The following MAML3 variants were observed in gnomAD, a reference collection of about 807,000 sequenced individuals.
MAML3 encodes the protein mastermind-like protein 3.
Under a neutral mutation model 101.9 loss-of-function variants are expected in MAML3, and 27 were observed. The observed-to-expected ratio is 0.27, with a 90% confidence interval of 0.20 to 0.37. MAML3 has a LOEUF of 0.37. Among genes scored for constraint, MAML3 ranks in the 10% least tolerant of loss-of-function variants. The probability of loss-of-function intolerance (pLI) is 1.00; values close to 1 mark genes in which losing one functional copy is unlikely to be tolerated. For synonymous variants in MAML3, 501 were observed against 555.9 expected, an observed-to-expected ratio of 0.90 and a Z score of 1.39; for missense variants, 1,316 against 1,444.9, an observed-to-expected ratio of 0.91 and a Z score of 1.45.
intron 1 of MAML3, among the ~76,000 whole-genome samples, chr4:139,967,511 C>T (rs1734158217): frequency 6.7e-6 from 1 of 148,508 alleles, no homozygotes; most frequent in Admixed American, 6.6e-5. Context: ...CACACACACA[C>T]ACACTCTATT....
At chr4:139,764,490 A>T (rs546975371) in intron 2 of MAML3, among the ~76,000 whole-genome samples, 11 of 152,316 alleles carry the variant, frequency 7.2e-5, no homozygotes, top group African/African-American at 2.6e-4. Flanking sequence ...TCTGTGACCG[A>T]GGACATTGTC....
At chr4:140,136,724 G>A (rs1221096359) in intron 1 of MAML3, among the ~76,000 whole-genome samples, 2 of 152,282 alleles carry the variant, frequency 1.3e-5, no homozygotes, top group South Asian at 2.1e-4. Context: ...AATGAGTCAC[G>A]TTTCTTGAAG....
intron 1 of MAML3, among the ~76,000 whole-genome samples, chr4:140,092,117 T>TATATATATATAC (rs1728069794): frequency 1.5e-5 from 2 of 133,122 alleles, no homozygotes; most frequent in African/African-American, 5.6e-5. Context: ...TATATATATA[T>TATATATATATAC]ACGTATATAT....
At chr4:139,979,408 G>T (rs533808315) in intron 1 of MAML3, among the ~76,000 whole-genome samples, 1 of 152,254 alleles carries the variant, frequency 6.6e-6, no homozygotes, top group Admixed American at 6.5e-5. Context: ...CTGCCTCCCA[G>T]CTCCATTTGC....
At position 139,859,676 on chromosome 4, in the gene MAML3, T is replaced by C. The variant is rs895748073; in HGVS notation, c.2079+29681A>G. ...GATTTATAGGCATTCTCTTATTTAATAGGCACAACAATTTTATGAGAAATA... is the reference window on the plus strand; with the variant it reads ...GATTTATAGGCATTCTCTTATTTAACAGGCACAACAATTTTATGAGAAATA... On this transcript the variant is annotated intron_variant, in intron 2 of 4. Transcript: ENST00000509479. 1.2e-4 allele frequency among the ~76,000 whole-genome samples: 19 copies of C among 152,328 alleles called. No individual in the cohort carries two copies. The East Asian group carries it at 1.7e-3, about 14-fold the overall frequency.
At chr4:139,788,446 C>T (rs1730345112) in intron 2 of MAML3, among the ~76,000 whole-genome samples, 1 of 152,146 alleles carries the variant, frequency 6.6e-6, no homozygotes, top group Non-Finnish European at 1.5e-5. Flanking sequence ...ATCCTGTCTC[C>T]AGTTCTTTTC....
Position 139,991,673 on chromosome 4 carries a change from G to A in MAML3, c.469-100706C>T, listed in dbSNP as rs145089094. Among the ~76,000 whole-genome samples, 220 of 152,042 alleles carry A rather than the reference G, an allele frequency of 1.4e-3. 1 individual carries two copies. Among genetic ancestry groups the A allele is most frequent in the African/African-American group, 5.1e-3 (210 of 41,470 alleles). On this transcript the variant is annotated intron_variant, in intron 1 of 4. Coordinates refer to ENST00000509479, the MANE Select transcript of MAML3 (RefSeq NM_018717.5). Reference sequence around the variant, plus strand: ...CTTTTGAAAAAAATTGTTTTACTGAGGTAAAATTTACATATAAAGTCCACC... The same window carrying A: ...CTTTTGAAAAAAATTGTTTTACTGAAGTAAAATTTACATATAAAGTCCACC...
chr4:140,030,252 T>C (rs1553969819), intron 1 of MAML3, among the ~76,000 whole-genome samples: 1 of 152,208 alleles, frequency 6.6e-6, no homozygotes, highest in Non-Finnish European at 1.5e-5. Flanking sequence ...AGTGACTTCA[T>C]GGCAGCTTCC....
chr4:139,920,652 AG>A (rs1277257151), intron 1 of MAML3, among the ~76,000 whole-genome samples: 1 of 152,204 alleles, frequency 6.6e-6, no homozygotes, highest in African/African-American at 2.4e-5. Flanking sequence ...TCATTAATGG[AG>A]GGCACACAGT....
intron 1 of MAML3, among the ~76,000 whole-genome samples, chr4:139,965,975 G>A (rs1734122977): frequency 6.6e-6 from 1 of 152,178 alleles, no homozygotes; most frequent in Non-Finnish European, 1.5e-5. Flanking sequence ...ATCTGGCCAA[G>A]TAATATAATT....
Position 139,719,350 on chromosome 4 carries a change from C to A in MAML3, c.3390G>T (p.Glu1130Asp), listed in dbSNP as rs1478231277. The change falls in exon 5 of 5, where the codon GAG (glutamate) becomes GAT (aspartate). Residue 1130 changes from glutamate to aspartate, a missense_variant. Coordinates refer to ENST00000509479, the MANE Select transcript of MAML3 (RefSeq NM_018717.5). ...KGGPGDEWMQ[E>D]LDELFGNP ...AGGGGTTACCAAACAATTCATCAAG[C>A]TCCTGCATCCACTCGTCCCCTGGCC... 6.2e-7 allele frequency: 1 copy of A among 1,601,556 alleles called. No homozygotes were observed. The highest frequency in any genetic ancestry group is 1.1e-5 in the South Asian group (1 of 89,666).
chr4:139,791,391 CG>C (rs1560795426), intron 2 of MAML3, among the ~76,000 whole-genome samples: 1 of 149,394 alleles, frequency 6.7e-6, no homozygotes, highest in East Asian at 2.0e-4. Flanking sequence ...CAGCTACTCT[CG>C]GGAGGCTGAA....
At chr4:140,067,312 C>T (rs1166086076) in intron 1 of MAML3, among the ~76,000 whole-genome samples, 3 of 152,142 alleles carry the variant, frequency 2.0e-5, no homozygotes, top group Admixed American at 6.6e-5. Context: ...ATTTACTCTA[C>T]TGCTCAGGGA....
intron 2 of MAML3, among the ~76,000 whole-genome samples, chr4:139,867,402 G>T (rs945490816): frequency 2.6e-5 from 4 of 152,200 alleles, no homozygotes; most frequent in African/African-American, 9.7e-5. Context: ...TGAAGCTAAG[G>T]TTCTAGGAAA....
chr4:140,067,991 A>G, intron 1 of MAML3, among the ~76,000 whole-genome samples: 1 of 152,184 alleles, frequency 6.6e-6, no homozygotes, highest in East Asian at 1.9e-4. Context: ...TTGGCCTCCC[A>G]AAGTGCTGGA....
intron 2 of MAML3, among the ~76,000 whole-genome samples, chr4:139,801,635 T>G (rs111453327): frequency 0.035 from 382 of 10,918 alleles, 4 homozygotes; most frequent in African/African-American, 0.071. Context: ...AGGAACAGGG[T>G]GTGTGTGGGT....
intron 2 of MAML3, among the ~76,000 whole-genome samples, chr4:139,752,615 A>T (rs1729536605): frequency 6.6e-6 from 1 of 152,218 alleles, no homozygotes; most frequent in East Asian, 1.9e-4. Context: ...CTTGGCACAA[A>T]TACATTCTGT....
intron 1 of MAML3, among the ~76,000 whole-genome samples, chr4:139,917,085 T>C (rs1733042878): frequency 6.6e-6 from 1 of 152,154 alleles, no homozygotes; most frequent in South Asian, 2.1e-4. Context: ...GTATGTGTCT[T>C]TTTCAGGAAA....
At chr4:139,836,083 G>T (rs117025290) in intron 2 of MAML3, among the ~76,000 whole-genome samples, 1 of 152,328 alleles carries the variant, frequency 6.6e-6, no homozygotes, top group East Asian at 1.9e-4. Context: ...TAGATCATGT[G>T]ACCCTTGGCC....
Sources: allele counts gnomAD v4.1 joint callset (sites outside exome capture counted in the v4.1 genomes callset), GRCh38; gene constraint gnomAD v4.1.1; transcripts MANE v1.5; gene names NCBI Gene and HGNC (gene_info 2026-07-23, HGNC 2026-07-21).